Variants in PKNOX2 observed in about 807,000 individuals in gnomAD.
PKNOX2 encodes the protein PBX/knotted 1 homeobox 2.
A neutral mutation model predicts 53.1 loss-of-function variants in PKNOX2; 14 were observed. That is an observed-to-expected ratio of 0.26 (90% CI 0.17 to 0.41). PKNOX2 has a LOEUF of 0.41. Ranked by LOEUF, PKNOX2 falls within the 10% of genes least tolerant of loss-of-function variation. The pLI, the probability that PKNOX2 is intolerant of heterozygous loss-of-function variation, is 1.00. For missense variants in PKNOX2, 496 were observed against 602.8 expected (o/e 0.82, Z 1.85); for synonymous variants, 257 against 242.8 (o/e 1.06, Z -0.54).
At chr11:125,362,354 C>A (rs1036107146) in intron 4 of PKNOX2, among the ~76,000 whole-genome samples, 2 of 152,068 alleles carry the variant, frequency 1.3e-5, no homozygotes, top group Non-Finnish European at 2.9e-5. Flanking sequence ...AACATGAAGG[C>A]CCACATGGTT....
chr11:125,349,364 C>G (rs1951174169), intron 3 of PKNOX2, among the ~76,000 whole-genome samples: 1 of 152,034 alleles, frequency 6.6e-6, no homozygotes, highest in Non-Finnish European at 1.5e-5. Flanking sequence ...GAGGCTCCCC[C>G]AAAGCCCCCT....
intron 2 of PKNOX2, among the ~76,000 whole-genome samples, chr11:125,317,907 A>C (rs1446843386): frequency 2.6e-5 from 4 of 152,230 alleles, no homozygotes; most frequent in African/African-American, 9.6e-5. Flanking sequence ...TATTCTTTCA[A>C]CATAAGGCTA....
chr11:125,285,038 AG>A (rs1278930458), intron 2 of PKNOX2, among the ~76,000 whole-genome samples: 3 of 152,122 alleles, frequency 2.0e-5, no homozygotes, highest in Admixed American at 1.3e-4. Context: ...GCCACATAGC[AG>A]AGAAGGGGAT....
chr11:125,397,811 G>A lies in PKNOX2; in HGVS notation c.400-63G>A, dbSNP rs940001565. ...CTCCCCTGGGGTGGTGGGGGCTGGG[G>A]GTCCAGGCAGTGAGGGAAATGGGAT... On this transcript the variant is annotated intron_variant, in intron 6 of 12. Transcript: ENST00000298282. The A allele has an allele frequency of 1.3e-5, 19 of 1,512,166 alleles. No homozygotes were observed. The Admixed American group carries it at 2.4e-4, about 19-fold the overall frequency. The allele number at this position is 1,512,166 out of a possible 1,614,324, so 93.7% of individuals were successfully genotyped here.
chr11:125,415,667 A>G (rs1233930223), intron 10 of PKNOX2, among the ~76,000 whole-genome samples: 1 of 152,120 alleles, frequency 6.6e-6, no homozygotes, highest in Non-Finnish European at 1.5e-5. Context: ...GTAATTCTTG[A>G]AAAATGCAAC....
At chr11:125,413,098 C>A (rs557164358) in intron 10 of PKNOX2, among the ~76,000 whole-genome samples, 1 of 152,152 alleles carries the variant, frequency 6.6e-6, no homozygotes, top group East Asian at 1.9e-4. Flanking sequence ...CCTCTGGGGG[C>A]GTGGGGCTGC....
chr11:125,317,234 A>G (rs1949254846), intron 2 of PKNOX2, among the ~76,000 whole-genome samples: 1 of 152,040 alleles, frequency 6.6e-6, no homozygotes, highest in Non-Finnish European at 1.5e-5. Context: ...GAAATCTTGA[A>G]CCCCTCAAAG....
intron 2 of PKNOX2, among the ~76,000 whole-genome samples, chr11:125,278,625 C>G (rs987001703): frequency 6.6e-6 from 1 of 150,570 alleles, no homozygotes; most frequent in African/African-American, 2.5e-5. Flanking sequence ...AGTTGAAGAC[C>G]GAGGGAGGGG....
At chr11:125,398,176 C>T in intron 7 of PKNOX2, 114 bp downstream of exon 7, 1 of 1,135,286 alleles carries the variant, frequency 8.8e-7, no homozygotes, top group Non-Finnish European at 1.2e-6. Context: ...CCACTGGGTT[C>T]CTTTGCCATG....
chr11:125,194,968 G>A (rs972080644), intron 1 of PKNOX2, among the ~76,000 whole-genome samples: 1 of 152,174 alleles, frequency 6.6e-6, no homozygotes, highest in African/African-American at 2.4e-5. Flanking sequence ...GACGCTCTTA[G>A]GAGGCGGGCT....
At position 125,165,278 on chromosome 11, in the gene PKNOX2, C is replaced by A. The variant is rs556479577; in HGVS notation, c.-201+502C>A. The stretch of plus-strand genomic sequence containing the variant: ...AACCCCGTAGCGGGCGGGCGGGGAG[C>A]TGTGCGCCAGGAGCGCCAGGGGACC... On this transcript the variant is annotated intron_variant, in intron 1 of 12. Coordinates refer to ENST00000298282, the MANE Select transcript of PKNOX2 (RefSeq NM_001382323.2). This position sits in a 1 kb window ranked among gnomAD's most constrained non-coding sequence, Gnocchi z 4.5. Among the ~76,000 whole-genome samples the A allele has an allele frequency of 7.1e-3, 1,088 of 152,182 alleles. 9 individuals are homozygous for A. Among genetic ancestry groups the A allele is most frequent in the African/African-American group, 0.024 (1,007 of 41,564 alleles).
At chr11:125,178,625 A>G (rs1167992566) in intron 1 of PKNOX2, among the ~76,000 whole-genome samples, 89 of 77,822 alleles carry the variant, frequency 1.1e-3, no homozygotes, top group Middle Eastern at 5.0e-3. Flanking sequence ...AAAGAAAGAA[A>G]GAAAGAAAGA....
At chr11:125,347,419 T>G (rs1227928270) in intron 3 of PKNOX2, among the ~76,000 whole-genome samples, 2 of 152,184 alleles carry the variant, frequency 1.3e-5, no homozygotes, top group Non-Finnish European at 2.9e-5. Flanking sequence ...TGTTAATTGG[T>G]CTAATGGGTT....
At chr11:125,285,535 C>T (rs1373813490) in intron 2 of PKNOX2, among the ~76,000 whole-genome samples, 1 of 152,148 alleles carries the variant, frequency 6.6e-6, no homozygotes, top group Non-Finnish European at 1.5e-5. Context: ...AATGGCCTAA[C>T]CTCTAGATTT....
At chr11:125,319,910 G>T (rs1035077727) in intron 2 of PKNOX2, among the ~76,000 whole-genome samples, 1 of 152,208 alleles carries the variant, frequency 6.6e-6, no homozygotes, top group Non-Finnish European at 1.5e-5. Flanking sequence ...AGGCTGGAAA[G>T]GTGGGAAGGG....
chr11:125,257,331 C>G (rs1640955706), intron 2 of PKNOX2, among the ~76,000 whole-genome samples: 1 of 152,156 alleles, frequency 6.6e-6, no homozygotes, highest in Non-Finnish European at 1.5e-5. Flanking sequence ...CTGGTACTTT[C>G]TGAGATTGTG....
chr11:125,303,224 T>G (rs745854679), intron 2 of PKNOX2, among the ~76,000 whole-genome samples: 30 of 152,364 alleles, frequency 2.0e-4, no homozygotes, highest in Non-Finnish European at 3.2e-4. Flanking sequence ...GCTTTTCAAT[T>G]TTCATAGCCT....
chr11:125,353,379 C>T (rs1490279765), intron 4 of PKNOX2, among the ~76,000 whole-genome samples: 2 of 152,162 alleles, frequency 1.3e-5, no homozygotes, highest in Non-Finnish European at 1.5e-5. Context: ...GGGGATTAGC[C>T]GGAGAGCTGC....
intron 2 of PKNOX2, among the ~76,000 whole-genome samples, chr11:125,241,244 T>C (rs576264897): frequency 6.6e-6 from 1 of 152,282 alleles, no homozygotes; most frequent in South Asian, 2.1e-4. Context: ...AAACCCCAAC[T>C]ATGCCGGATT....
Sources: allele counts gnomAD v4.1 joint callset (sites outside exome capture counted in the v4.1 genomes callset), GRCh38; gene constraint gnomAD v4.1.1; non-coding constraint Gnocchi (gnomAD v3.1); transcripts MANE v1.5; gene names NCBI Gene and HGNC (gene_info 2026-07-23, HGNC 2026-07-21).